PAPLN: variants seen among roughly 807,000 people sequenced by gnomAD.
The protein encoded by PAPLN is papilin.
A neutral mutation model predicts 159.0 loss-of-function variants in PAPLN; 146 were observed. The ratio of observed to expected loss-of-function variants is 0.92; its 90% confidence interval spans 0.80 to 1.05. The LOEUF is 1.05. Among genes scored for constraint, PAPLN ranks in the 50% least tolerant of loss-of-function variants. PAPLN has a pLI of 0.00. For synonymous variants in PAPLN, 734 were observed against 702.9 expected, an observed-to-expected ratio of 1.04 and a Z score of -0.70; for missense variants, 1,720 against 1,743.9, an observed-to-expected ratio of 0.99 and a Z score of 0.24.
Position 73,265,511 on chromosome 14 carries a change from T to G in PAPLN, c.3263+4T>G, listed in dbSNP as rs374182705. 2 of 1,613,356 alleles carry G rather than the reference T, an allele frequency of 1.2e-6. No homozygotes were observed. The highest frequency in any genetic ancestry group is 1.7e-6 in the Non-Finnish European group (2 of 1,179,730). ...GGCAGCCTGTCTCTTCTCCCAGGTT[T>G]ATTTGACTCCTCTCCCCTTCCTCCT... On this transcript the variant is annotated splice_donor_region_variant and intron_variant, in intron 23 of 26. Coordinates refer to ENST00000644200, the MANE Select transcript of PAPLN (RefSeq NM_001365906.3). The surrounding 1 kb of genome is among the most constrained non-coding windows in gnomAD (Gnocchi z 4.1).
intron 21 of PAPLN, 101 bp from the exon 22 acceptor site, chr14:73,264,487 C>G (rs1887005538): frequency 7.2e-6 from 11 of 1,519,444 alleles, no homozygotes; most frequent in Non-Finnish European, 9.7e-6. Flanking sequence ...CACCCTGTGG[C>G]CCTCATTTCT....
upstream of PAPLN, among the ~76,000 whole-genome samples, chr14:73,236,738 C>T (rs1883051655): frequency 6.6e-6 from 1 of 151,410 alleles, no homozygotes; most frequent in South Asian, 2.1e-4. Flanking sequence ...ATCGCTTGAA[C>T]CCAGGAGGCG....
chr14:73,238,443 G>GA (rs1883198185), intron 1 of PAPLN, among the ~76,000 whole-genome samples: 2 of 152,246 alleles, frequency 1.3e-5, no homozygotes, highest in African/African-American at 4.8e-5. Flanking sequence ...CAAATGAACC[G>GA]AAAAAACTGA....
intron 11 of PAPLN, 68 bp from the exon 12 acceptor site, chr14:73,253,686 G>A: frequency 6.9e-7 from 1 of 1,447,096 alleles, no homozygotes; most frequent in South Asian, 1.4e-5. Context: ...AGTGAGGGCA[G>A]AAACCCTCAG....
In PAPLN at chr14:73,250,961, C is replaced by A. The variant is rs73305094; in HGVS notation, c.520C>A (p.Arg174=). The A allele has an allele frequency of 5.1e-3, 8,245 of 1,613,614 alleles. 317 individuals carry two copies. In the African/African-American group the frequency reaches 0.085, roughly 17 times the overall value. ...DSSKQEDKCL[R]CGGDGTTCYP... is the part of the protein sequence containing the mutation. ...GTCCAAGCAGGAGGACAAGTGTCTG[C>A]GGTGTGGGGGTGACGGCACGACCTG... The change falls in exon 7 of 27, where the codon CGG becomes AGG. Residue 174 remains arginine (R), a synonymous_variant. Transcript: ENST00000644200.
chr14:73,267,154 G>A (rs937743216), intron 25 of PAPLN, among the ~76,000 whole-genome samples: 2 of 152,154 alleles, frequency 1.3e-5, no homozygotes, highest in African/African-American at 2.4e-5. Context: ...CCCACTAGAT[G>A]CCAGGGGCAC....
Position 73,253,856 on chromosome 14 carries a change from G to A in PAPLN, c.1197G>A (p.Glu399=), listed in dbSNP as rs745748274. The part of the protein sequence containing the change: ...CISSDGAGIQ[E]AVEEAECAGL... ...CGTCTGACGGGGCCGGCATCCAGGA[G>A]GCCGTGGAGGAGGCTGAGTGTGCCG... The change falls in exon 12 of 27, where the codon GAG becomes GAA. Residue 399 remains glutamate (E), a synonymous_variant. Transcript: ENST00000644200. 133 of 1,613,528 alleles carry A rather than the reference G, an allele frequency of 8.2e-5. No homozygotes were observed. The highest frequency in any genetic ancestry group is 9.9e-5 in the Non-Finnish European group (117 of 1,179,970).
At position 73,261,047 on chromosome 14, in the gene PAPLN, G is replaced by T; in HGVS notation, c.2107-109G>T. ...ATTCTCCTGGCCTCTGGTCTCCCCT[G>T]GGCTGGGGTTCTGGCCCCTCCTTCC... On this transcript the variant is annotated intron_variant, in intron 17 of 26. Transcript: ENST00000644200. The T allele has an allele frequency of 1.9e-6, 3 of 1,570,248 alleles. No homozygotes were observed. The South Asian group carries it at 3.4e-5, about 18-fold the overall frequency.
intron 4 of PAPLN, 36 bp from the exon 5 acceptor site, chr14:73,246,037 G>A (rs1284156091): frequency 4.6e-6 from 7 of 1,507,878 alleles, no homozygotes; most frequent in Non-Finnish European, 5.3e-6. Context: ...CTCGGACTCC[G>A]CCCTCCTGGA....
intron 26 of PAPLN, among the ~76,000 whole-genome samples, chr14:73,269,207 T>C (rs1887483731): frequency 6.6e-6 from 1 of 151,968 alleles, no homozygotes; most frequent in Non-Finnish European, 1.5e-5. Flanking sequence ...ATGAGACAGG[T>C]ATGCAGAGAG....
rs889953689 is a variant in PAPLN, at chr14:73,274,554, A to C, written c.*1890A>C. On this transcript the variant is annotated 3_prime_UTR_variant, in exon 27 of 27. Transcript: ENST00000644200. ...TTCATTTAATACTGGAAAAATATTGAAGAGCATCCATGTTCACTTATGGCT... is the reference window on the plus strand; with the variant it reads ...TTCATTTAATACTGGAAAAATATTGCAGAGCATCCATGTTCACTTATGGCT... The C allele has an allele frequency of 6.6e-6, 1 of 152,214 alleles. No homozygotes were observed. The highest frequency in any genetic ancestry group is 1.5e-5 in the Non-Finnish European group (1 of 68,042). The allele number at this position is 152,214 out of a possible 1,614,324, so 9.4% of individuals were successfully genotyped here. A position where few individuals can be genotyped will look rare whatever the true frequency, so the allele number is the denominator to read the frequency against.
intron 14 of PAPLN, among the ~76,000 whole-genome samples, chr14:73,258,091 T>C (rs1886134205): frequency 6.6e-6 from 1 of 152,196 alleles, no homozygotes; most frequent in African/African-American, 2.4e-5. Flanking sequence ...TATCCCTTTG[T>C]CTATTCATCC....
chr14:73,248,026 GTGTT>G (rs1884756248), intron 5 of PAPLN, among the ~76,000 whole-genome samples: 4 of 83,768 alleles, frequency 4.8e-5, no homozygotes, highest in African/African-American at 1.5e-4. Flanking sequence ...GTGTGTGTGT[GTGTT>G]GGGATTGTGG....
upstream of PAPLN, among the ~76,000 whole-genome samples, chr14:73,236,032 C>T (rs1371856526): frequency 6.6e-6 from 1 of 152,332 alleles, no homozygotes; most frequent in African/African-American, 2.4e-5. Context: ...CAGCAAGGGG[C>T]TAAAGGCAGA....
At chr14:73,263,584 T>G in intron 19 of PAPLN, 61 bp from the exon 20 acceptor site, 5 of 1,608,090 alleles carry the variant, frequency 3.1e-6, no homozygotes, top group Non-Finnish European at 4.2e-6. Context: ...ACACACTGCT[T>G]AGGGTGGTTC....
intron 5 of PAPLN, among the ~76,000 whole-genome samples, chr14:73,246,648 T>C (rs1197405538): frequency 2.0e-5 from 3 of 147,814 alleles, no homozygotes; most frequent in Non-Finnish European, 4.5e-5. Flanking sequence ...CTTTCTTTTT[T>C]TTTTTTTTTT....
intron 26 of PAPLN, among the ~76,000 whole-genome samples, chr14:73,270,597 T>C (rs1887631150): frequency 6.6e-6 from 1 of 152,172 alleles, no homozygotes; most frequent in Admixed American, 6.5e-5. Context: ...GTCTACATAA[T>C]AACCAAATCA....
Position 73,261,440 on chromosome 14 carries a change from AG to A in PAPLN, c.2245+148del, listed in dbSNP as rs1886578218. Reference sequence around the variant, plus strand: ...AAATGTTGATTGCCTGCTAGGTGCCAGGCCAGAGAGCAGTGCCAGAGTGTTC... The same window carrying A: ...AAATGTTGATTGCCTGCTAGGTGCCAGCCAGAGAGCAGTGCCAGAGTGTTC... On this transcript the variant is annotated intron_variant, in intron 18 of 26. Transcript: ENST00000644200. 6 of 1,236,322 alleles carry A rather than the reference AG, an allele frequency of 4.9e-6. No individual in the cohort carries two copies. In the East Asian group the frequency reaches 1.3e-4, roughly 26 times the overall value. The allele number at this position is 1,236,322 out of a possible 1,614,324, so 76.6% of individuals were successfully genotyped here.
Position 73,261,304 on chromosome 14 carries a change from C to A in PAPLN, c.2245+10C>A. ...GGCCAGCCCAGCCATGGTGAGTGGACACCCCCTCTCCTCCTTCTCGATGGG... is the reference window on the plus strand; with the variant it reads ...GGCCAGCCCAGCCATGGTGAGTGGAAACCCCCTCTCCTCCTTCTCGATGGG... On this transcript the variant is annotated intron_variant, in intron 18 of 26. Coordinates refer to ENST00000644200, the MANE Select transcript of PAPLN (RefSeq NM_001365906.3). 8.7e-6 allele frequency: 14 copies of A among 1,612,906 alleles called. No homozygotes were observed. Among genetic ancestry groups the A allele is most frequent in the Non-Finnish European group, 1.2e-5 (14 of 1,179,636 alleles).
Sources: gnomAD v4.1 joint callset for allele counts (sites outside exome capture counted in the v4.1 genomes callset) on GRCh38, gnomAD v4.1.1 for gene constraint, Gnocchi (gnomAD v3.1) non-coding constraint, MANE v1.5 for transcripts, NCBI Gene and HGNC (gene_info 2026-07-23, HGNC 2026-07-21) for gene names.